Variants in ABCA13 observed in about 807,000 individuals in gnomAD.
The protein encoded by ABCA13 is ATP-binding cassette sub-family A member 13.
In ABCA13, 476 loss-of-function variants were observed where a neutral mutation model predicts 478.7. That is an observed-to-expected ratio of 0.99 (90% confidence interval 0.92 to 1.07). ABCA13 has a LOEUF of 1.07. ABCA13 is among the 50% of genes least tolerant of loss of function. The probability of loss-of-function intolerance (pLI) is 0.00; values close to 1 mark genes in which losing one functional copy is unlikely to be tolerated. For missense variants in ABCA13, 6,060 were observed against 5,910.6 expected (o/e 1.03, Z -0.83); for synonymous variants, 2,252 against 2,158.9 (o/e 1.04, Z -1.20).
intron 3 of ABCA13, among the ~76,000 whole-genome samples, chr7:48,213,748 T>C (rs1471487945): frequency 6.6e-6 from 1 of 152,222 alleles, no homozygotes; most frequent in Admixed American, 6.5e-5. Flanking sequence ...CTTTATGTAA[T>C]ATTCTAAATC....
At chr7:48,346,955 C>T (rs536221254) in intron 29 of ABCA13, among the ~76,000 whole-genome samples, 8 of 152,278 alleles carry the variant, frequency 5.3e-5, no homozygotes, top group African/African-American at 1.7e-4. Context: ...TTTAGTGGGT[C>T]TTGCTTTTTG....
At chr7:48,440,374 G>A (rs890701169) in intron 42 of ABCA13, among the ~76,000 whole-genome samples, 12 of 151,994 alleles carry the variant, frequency 7.9e-5, no homozygotes, top group African/African-American at 2.7e-4. Flanking sequence ...ATAGAAGTCT[G>A]TGTTTTTTTC....
chr7:48,209,474 G>T (rs1029341683), intron 3 of ABCA13, among the ~76,000 whole-genome samples: 1 of 152,096 alleles, frequency 6.6e-6, no homozygotes, highest in Non-Finnish European at 1.5e-5. Context: ...AAATTCAGCA[G>T]TGAAGCCATT....
At chr7:48,322,528 C>A (rs927116933) in intron 27 of ABCA13, among the ~76,000 whole-genome samples, 1 of 152,134 alleles carries the variant, frequency 6.6e-6, no homozygotes, top group Non-Finnish European at 1.5e-5. Flanking sequence ...CAGACAGCCA[C>A]GCCATGTCTC....
chr7:48,481,033 C>T lies in ABCA13; in HGVS notation c.12976-3C>T, dbSNP rs776246411. On this transcript the variant is annotated splice_polypyrimidine_tract_variant and splice_region_variant and intron_variant, in intron 45 of 61. Coordinates refer to ENST00000435803, the MANE Select transcript of ABCA13 (RefSeq NM_152701.5). Reference sequence around the variant, plus strand: ...GTTTTTATCTTTTTGAAAACAATTTCAGAAGTGTCCAAATAGAAGTGCTAG... The same window carrying T: ...GTTTTTATCTTTTTGAAAACAATTTTAGAAGTGTCCAAATAGAAGTGCTAG... 6.4e-7 allele frequency: 1 copy of T among 1,572,254 alleles called. No homozygotes were observed. The highest frequency in any genetic ancestry group is 1.8e-5 in the Admixed American group (1 of 54,856).
chr7:48,498,011 T>C (rs924115060), intron 48 of ABCA13, among the ~76,000 whole-genome samples: 1 of 152,170 alleles, frequency 6.6e-6, no homozygotes, highest in African/African-American at 2.4e-5. Context: ...CAGCTCTTTG[T>C]TGGTCCCTCA....
intron 42 of ABCA13, among the ~76,000 whole-genome samples, chr7:48,454,711 G>C (rs1388882389): frequency 6.6e-6 from 1 of 152,176 alleles, no homozygotes; most frequent in Non-Finnish European, 1.5e-5. Flanking sequence ...AGAACAGAGA[G>C]GAAAAGGATG....
At chr7:48,506,281 C>A (rs750092603) in intron 48 of ABCA13, 55 bp from the exon 49 acceptor site, 1 of 1,561,578 alleles carries the variant, frequency 6.4e-7, no homozygotes, top group Non-Finnish European at 8.8e-7. Context: ...AGATGAGCTG[C>A]GATTCACCAT....
At chr7:48,467,935 C>A (rs1827058750) in intron 44 of ABCA13, among the ~76,000 whole-genome samples, 1 of 152,162 alleles carries the variant, frequency 6.6e-6, no homozygotes, top group Non-Finnish European at 1.5e-5. Flanking sequence ...TGCTGCTTCA[C>A]TCTAGTCTTT....
At chr7:48,329,167 T>C (rs1804800706) in intron 27 of ABCA13, among the ~76,000 whole-genome samples, 1 of 152,102 alleles carries the variant, frequency 6.6e-6, no homozygotes. Context: ...AAAAACAGAA[T>C]ACCAACATAA....
In ABCA13 at chr7:48,447,488, CTT is replaced by C. The variant is rs1824447775; in HGVS notation, c.12566-7547_12566-7546del. Among the ~76,000 whole-genome samples, 3 of 152,182 alleles carry C rather than the reference CTT, an allele frequency of 2.0e-5. No individual in the cohort carries two copies. The East Asian group carries it at 5.8e-4, about 29-fold the overall frequency. On this transcript the variant is annotated intron_variant, in intron 42 of 61. Coordinates refer to ENST00000435803, the MANE Select transcript of ABCA13 (RefSeq NM_152701.5). The stretch of plus-strand genomic sequence containing the variant: ...GACTTTACTTTGTTAACTACTTTAA[CTT>C]TGTTGTTTTTAACTCTGAAAATCAT...
At chr7:48,442,336 T>A (rs1823734811) in intron 42 of ABCA13, among the ~76,000 whole-genome samples, 1 of 152,084 alleles carries the variant, frequency 6.6e-6, no homozygotes, top group East Asian at 1.9e-4. Context: ...TTTCTAAACC[T>A]CTAAACTGAG....
At chr7:48,190,914 G>A (rs1038480579) in intron 1 of ABCA13, among the ~76,000 whole-genome samples, 1 of 152,072 alleles carries the variant, frequency 6.6e-6, no homozygotes, top group Non-Finnish European at 1.5e-5. Context: ...AAAGTTATAT[G>A]AGTCTTGGTT....
At chr7:48,522,570 G>T (rs1201753052) in intron 53 of ABCA13, among the ~76,000 whole-genome samples, 1 of 152,130 alleles carries the variant, frequency 6.6e-6, no homozygotes, top group African/African-American at 2.4e-5. Context: ...TTAATACAGG[G>T]ATCGTTTGTT....
intron 51 of ABCA13, among the ~76,000 whole-genome samples, chr7:48,515,375 G>A (rs549507324): frequency 6.6e-6 from 1 of 152,250 alleles, no homozygotes; most frequent in East Asian, 1.9e-4. Context: ...TTTCAGGAAG[G>A]AGATGAGGGA....
chr7:48,568,433 T>C (rs1452980241), intron 55 of ABCA13, among the ~76,000 whole-genome samples: 1 of 152,104 alleles, frequency 6.6e-6, no homozygotes, highest in South Asian at 2.1e-4. Flanking sequence ...ATTAATTTTA[T>C]ATATTAAACT....
chr7:48,606,016 T>C (rs890511002), intron 58 of ABCA13, among the ~76,000 whole-genome samples: 2 of 152,240 alleles, frequency 1.3e-5, no homozygotes, highest in Non-Finnish European at 2.9e-5. Flanking sequence ...CTAGTGATAC[T>C]TGTGCATGCT....
intron 59 of ABCA13, among the ~76,000 whole-genome samples, chr7:48,633,070 G>T (rs894416768): frequency 2.6e-5 from 4 of 152,006 alleles, no homozygotes; most frequent in African/African-American, 9.7e-5. Context: ...AAGACAAAAA[G>T]TAAATTAATT....
chr7:48,430,519 C>T (rs144408583), intron 42 of ABCA13, among the ~76,000 whole-genome samples: 1,566 of 151,980 alleles, frequency 0.01, 33 homozygotes, highest in African/African-American at 0.036. Context: ...ACTAAAAATA[C>T]AAAAAATTAG....
Sources: allele counts gnomAD v4.1 joint callset (sites outside exome capture counted in the v4.1 genomes callset), GRCh38; gene constraint gnomAD v4.1.1; transcripts MANE v1.5; gene names NCBI Gene and HGNC (gene_info 2026-07-23, HGNC 2026-07-21).